QARS1: variants seen among roughly 807,000 people sequenced by gnomAD.
The protein encoded by QARS1 is glutamine--tRNA ligase.
QARS1 carries 79 observed loss-of-function variants against 106.9 expected under a neutral mutation model. That is an observed-to-expected ratio of 0.74 (90% CI 0.62 to 0.89). The LOEUF (loss-of-function observed/expected upper bound fraction) is 0.89, where lower values mean the gene tolerates loss of function less well. Ranked by LOEUF, QARS1 falls within the 40% of genes least tolerant of loss-of-function variation. The pLI, the probability that QARS1 is intolerant of heterozygous loss-of-function variation, is 0.00. For synonymous variants in QARS1, 395 were observed against 367.7 expected (o/e 1.07, Z -0.85); for missense variants, 966 against 997.2 (o/e 0.97, Z 0.42).
rs1307590384 is a variant in QARS1 at position 49,101,373 on chromosome 3, G to T, written c.858C>A (p.Phe286Leu). 1 of 1,613,776 alleles carries T rather than the reference G, an allele frequency of 6.2e-7. No homozygotes were observed. Among genetic ancestry groups the T allele is most frequent in the African/African-American group, 1.3e-5 (1 of 75,046 alleles). The change falls in exon 10 of 24, where the codon TTC (phenylalanine) becomes TTA (leucine). Residue 286 changes from phenylalanine (F) to leucine (L), a missense_variant. Transcript: ENST00000306125. ...LHIGHAKAIN[F>L]NFGYAKANNG... ...TGCTTACCTTGGCATAGCCAAAGTT[G>T]AAATTGATGGCTTTGGCATGTCCAA...
chr3:49,098,942 G>A lies in QARS1; in HGVS notation c.1806C>T (p.Gly602=). The change falls in exon 19 of 24, where the codon GGC becomes GGT. Residue 602 remains glycine, a synonymous_variant. Coordinates refer to ENST00000306125, the MANE Select transcript of QARS1 (RefSeq NM_005051.3). The part of the protein sequence containing the change: ...VPNFPADETK[G]FHQVPFAPIV... ...TGGGTGCAAAGGGAACCTGATGGAA[G>A]CCTTTGGTCTCATCAGCTGGGAAGT... is the stretch of plus-strand genomic sequence containing the variant. 6.2e-7 allele frequency: 1 copy of A among 1,614,114 alleles called. No homozygotes were observed. The highest frequency in any genetic ancestry group is 8.5e-7 in the Non-Finnish European group (1 of 1,179,998).
intron 3 of QARS1, 22 bp from the exon 4 acceptor site, chr3:49,103,728 G>A: frequency 1.9e-6 from 3 of 1,612,350 alleles, no homozygotes; most frequent in Non-Finnish European, 2.5e-6. Flanking sequence ...CAAACCATGT[G>A]GTTCAGGAAA....
chr3:49,103,250 G>T, intron 5 of QARS1, 95 bp downstream of exon 5: 1 of 1,335,706 alleles, frequency 7.5e-7, no homozygotes, highest in Non-Finnish European at 1.1e-6. Context: ...GAGCCACCAT[G>T]CCCAGCCCTC....
At chr3:49,102,358 G>A in intron 6 of QARS1, 61 bp downstream of exon 6, 2 of 1,612,096 alleles carry the variant, frequency 1.2e-6, no homozygotes, top group East Asian at 2.2e-5. Flanking sequence ...TCCTTCCCCA[G>A]CCTGAAGTCT....
rs1485211824 is a variant in QARS1, at chr3:49,099,341, T to C, written c.1614+3A>G. On this transcript the variant is annotated splice_donor_region_variant and intron_variant, in intron 17 of 23. Transcript: ENST00000306125. ...TGTATCTACCCAACCTGCTGGGCTATACCCGGGCACAGAAGTTGTTGATGG... is the reference window on the plus strand; with the variant it reads ...TGTATCTACCCAACCTGCTGGGCTACACCCGGGCACAGAAGTTGTTGATGG... 2.5e-6 allele frequency: 4 copies of C among 1,614,168 alleles called. No individual in the cohort carries two copies. In the Admixed American group the frequency reaches 5.0e-5, roughly 20 times the overall value.
rs141184565 is a variant in QARS1 at position 49,099,169 on chromosome 3, G to A, written c.1699C>T (p.Arg567Ter). The change falls in exon 18 of 24, where the codon CGA becomes TGA. Residue 567 changes from arginine (R) to a stop codon, truncating the protein, a stop_gained. Transcript: ENST00000306125. LOFTEE classifies it high-confidence loss of function. ...AGTGACTCCAGCACAGCCATGGCTC[G>A]TGGGGCTGTGTCATTCAGCACATCA... Reference protein sequence around the residue: ...VRDVLNDTAPRAMAVLESLRV... With the variant: ...VRDVLNDTAP 5.6e-6 allele frequency: 9 copies of A among 1,614,030 alleles called. No individual in the cohort carries two copies. Among genetic ancestry groups the A allele is most frequent in the East Asian group, 4.5e-5 (2 of 44,896 alleles).
chr3:49,102,484 C>T lies in QARS1; in HGVS notation c.517-12G>A. On this transcript the variant is annotated splice_polypyrimidine_tract_variant and intron_variant, in intron 5 of 23. Coordinates refer to ENST00000306125, the MANE Select transcript of QARS1 (RefSeq NM_005051.3). ...AGAAGGTGGAGGACCTGAGCAGAGA[C>T]CAGAATCAGGCAGAGGCAGGAGTAT... The T allele has an allele frequency of 1.2e-6, 2 of 1,614,082 alleles. No homozygotes were observed. The highest frequency in any genetic ancestry group is 2.2e-5 in the East Asian group (1 of 44,888).
chr3:49,101,349 G>A lies in QARS1; in HGVS notation c.876+6C>T. On this transcript the variant is annotated splice_donor_region_variant and intron_variant, in intron 10 of 23. Coordinates refer to ENST00000306125, the MANE Select transcript of QARS1 (RefSeq NM_005051.3). ...TTGCTTGCCAGGTCCCTAGACACAT[G>A]CTTACCTTGGCATAGCCAAAGTTGA... 1.2e-6 allele frequency: 2 copies of A among 1,603,952 alleles called. No homozygotes were observed. The highest frequency in any genetic ancestry group is 1.1e-5 in the South Asian group (1 of 90,776).
chr3:49,104,137 T>G (rs1197879396), intron 2 of QARS1, 165 bp from the exon 3 acceptor site: 1 of 1,139,146 alleles, frequency 8.8e-7, no homozygotes, highest in African/African-American at 1.5e-5. Context: ...GTGTCGAGAG[T>G]GGATCCCCCC....
At chr3:49,097,790 G>A (rs573377588) in intron 23 of QARS1, among the ~76,000 whole-genome samples, 2 of 152,024 alleles carry the variant, frequency 1.3e-5, no homozygotes, top group East Asian at 3.9e-4. Flanking sequence ...GTGCAAGACT[G>A]TCTCAAAAAA....
chr3:49,099,445 G>GGCCCT lies in QARS1; in HGVS notation c.1527-15_1527-14insAGGGC, dbSNP rs2042437069. On this transcript the variant is annotated splice_polypyrimidine_tract_variant and intron_variant, in intron 16 of 23. Coordinates refer to ENST00000306125, the MANE Select transcript of QARS1 (RefSeq NM_005051.3). The stretch of plus-strand genomic sequence containing the variant: ...TCATCCCAGTCCCTGTGGATAAGAA[G>GGCCCT]GTGGTGAGAAGGCCTTTGGGAGCAT... 4 of 1,614,184 alleles carry GGCCCT rather than the reference G, an allele frequency of 2.5e-6. No homozygotes were observed. The highest frequency in any genetic ancestry group is 3.4e-6 in the Non-Finnish European group (4 of 1,180,030).
At chr3:49,103,305 CAG>C in intron 5 of QARS1, 38 bp downstream of exon 5, 1 of 1,606,936 alleles carries the variant, frequency 6.2e-7, no homozygotes, top group Non-Finnish European at 8.5e-7. Flanking sequence ...CTGTTCATGC[CAG>C]AGTCTTTGCC....
chr3:49,102,015 G>A, intron 7 of QARS1, 116 bp from the exon 8 acceptor site: 3 of 1,326,824 alleles, frequency 2.3e-6, no homozygotes, highest in Non-Finnish European at 3.1e-6. Flanking sequence ...GATATCTAGA[G>A]CCAGACATCT....
chr3:49,098,167 C>G, intron 22 of QARS1, 25 bp downstream of exon 22: 1 of 1,614,186 alleles, frequency 6.2e-7, no homozygotes, highest in Non-Finnish European at 8.5e-7. Context: ...GCCTACCTCC[C>G]TCACCCCAAA....
At chr3:49,103,070 A>T (rs1008163034) in intron 5 of QARS1, among the ~76,000 whole-genome samples, 2 of 151,890 alleles carry the variant, frequency 1.3e-5, no homozygotes, top group Non-Finnish European at 2.9e-5. Context: ...CAATCTTCCC[A>T]CCACAGCCCC....
chr3:49,099,442 G>A lies in QARS1; in HGVS notation c.1527-11C>T. The stretch of plus-strand genomic sequence containing the variant: ...GGGTCATCCCAGTCCCTGTGGATAA[G>A]AAGGTGGTGAGAAGGCCTTTGGGAG... On this transcript the variant is annotated splice_polypyrimidine_tract_variant and intron_variant, in intron 16 of 23. Transcript: ENST00000306125. 1.2e-6 allele frequency: 2 copies of A among 1,614,218 alleles called. No homozygotes were observed. The highest frequency in any genetic ancestry group is 1.1e-5 in the South Asian group (1 of 91,082).
chr3:49,098,892 A>G lies in QARS1; in HGVS notation c.1856T>C (p.Phe619Ser), dbSNP rs1294163804. ...TCCACCCCCACAATTTACCTCCTTG[A>G]AGTCAGTCCTCTCAATGAAGACAAT... ...APIVFIERTD[F>S]KEEPEPGFKR... is the part of the protein sequence containing the mutation. Residue 619 changes from phenylalanine to serine, a missense_variant, in exon 19 of 24, where the codon TTC (phenylalanine) becomes TCC (serine). Coordinates refer to ENST00000306125, the MANE Select transcript of QARS1 (RefSeq NM_005051.3). 2 of 1,611,918 alleles carry G rather than the reference A, an allele frequency of 1.2e-6. No homozygotes were observed. The highest frequency in any genetic ancestry group is 1.7e-6 in the Non-Finnish European group (2 of 1,178,000).
rs887349442 is a variant in QARS1 at position 49,098,271 on chromosome 3, T to A, written c.2085-13A>T. The A allele has an allele frequency of 5.0e-6, 8 of 1,614,062 alleles. No homozygotes were observed. The highest frequency in any genetic ancestry group is 6.8e-6 in the Non-Finnish European group (8 of 1,180,048). ...CTTGTGCTGGAATCTGCAGCCAAAGTGAAGGTCATACCCCCAGCTGGGCAG... is the reference window on the plus strand; with the variant it reads ...CTTGTGCTGGAATCTGCAGCCAAAGAGAAGGTCATACCCCCAGCTGGGCAG... On this transcript the variant is annotated splice_polypyrimidine_tract_variant and intron_variant, in intron 21 of 23. Transcript: ENST00000306125.
Position 49,098,669 on chromosome 3 carries a change from G to A in QARS1, c.1887C>T (p.Arg629=), listed in dbSNP as rs1303587558. Residue 629 remains arginine, a synonymous_variant, in exon 20 of 24, where the codon CGC becomes CGT. Transcript: ENST00000306125. ...FKEEPEPGFK[R]LAWGQPVGLR... Reference sequence around the variant, plus strand: ...GGCCCACAGGCTGGCCCCAAGCCAGGCGCTTAAATCCTGGCTCTGGCTCCT... The same window carrying A: ...GGCCCACAGGCTGGCCCCAAGCCAGACGCTTAAATCCTGGCTCTGGCTCCT... 1 of 1,606,212 alleles carries A rather than the reference G, an allele frequency of 6.2e-7. No homozygotes were observed. The highest frequency in any genetic ancestry group is 8.5e-7 in the Non-Finnish European group (1 of 1,176,498).
Sources: gnomAD v4.1 joint callset for allele counts (sites outside exome capture counted in the v4.1 genomes callset) on GRCh38, gnomAD v4.1.1 for gene constraint, MANE v1.5 for transcripts, NCBI Gene and HGNC (gene_info 2026-07-23, HGNC 2026-07-21) for gene names.